The following GALNT14 variants were observed in gnomAD, a reference collection of about 807,000 sequenced individuals.
The protein encoded by GALNT14 is polypeptide N-acetylgalactosaminyltransferase 14.
Under a neutral mutation model 77.5 loss-of-function variants are expected in GALNT14, and 60 were observed. The ratio of observed to expected loss-of-function variants is 0.77; its 90% CI spans 0.63 to 0.96. The LOEUF (loss-of-function observed/expected upper bound fraction) is 0.96. Ranked by LOEUF, GALNT14 falls within the 40% of genes least tolerant of loss-of-function variation. The pLI, the probability that GALNT14 is intolerant of heterozygous loss-of-function variation, is 0.00. For synonymous variants in GALNT14, 280 were observed against 281.7 expected, an observed-to-expected ratio of 0.99 and a Z score of 0.06; for missense variants, 710 against 731.0, an observed-to-expected ratio of 0.97 and a Z score of 0.33.
intron 9 of GALNT14, among the ~76,000 whole-genome samples, chr2:30,933,666 G>C (rs6757404): frequency 0.23 from 35,268 of 152,090 alleles, 4,564 homozygotes; most frequent in African/African-American, 0.34. Context: ...AGGAGGAAGA[G>C]AGCACTTCTC....
intron 2 of GALNT14, among the ~76,000 whole-genome samples, chr2:30,977,672 C>G (rs1668721291): frequency 6.6e-6 from 1 of 152,102 alleles, no homozygotes; most frequent in South Asian, 2.1e-4. Context: ...GACTCAGCAC[C>G]CTGAGCTCAG....
chr2:31,017,058 T>C (rs767713267), intron 1 of GALNT14, among the ~76,000 whole-genome samples: 2 of 152,240 alleles, frequency 1.3e-5, no homozygotes, highest in Non-Finnish European at 2.9e-5. Context: ...GTCTCAAAGC[T>C]AGCTATGGCA....
chr2:31,042,808 T>C (rs954165280), intron 1 of GALNT14, among the ~76,000 whole-genome samples: 102 of 152,312 alleles, frequency 6.7e-4, no homozygotes, highest in African/African-American at 2.4e-3. Flanking sequence ...GCTTATTTAA[T>C]AGCCTCCTAA....
intron 1 of GALNT14, among the ~76,000 whole-genome samples, chr2:31,127,192 C>T (rs1340678040): frequency 6.6e-6 from 1 of 152,200 alleles, no homozygotes; most frequent in African/African-American, 2.4e-5. Context: ...CCCATCCAGT[C>T]AGTTACCCCA....
chr2:31,138,139 G>C lies in GALNT14; in HGVS notation c.-53C>G. 1 of 1,611,944 alleles carries C rather than the reference G, an allele frequency of 6.2e-7. No homozygotes were observed. Among genetic ancestry groups the C allele is most frequent in the Non-Finnish European group, 8.5e-7 (1 of 1,178,960 alleles). On this transcript the variant is annotated 5_prime_UTR_variant, in exon 1 of 15. Coordinates refer to ENST00000349752, the MANE Select transcript of GALNT14 (RefSeq NM_024572.4). Reference sequence around the variant, plus strand: ...GCGCTACGTCCCGGGGGCACCCCCCGGCGGTCAGGGTTGGCGGGGCAGGAG... The same window carrying C: ...GCGCTACGTCCCGGGGGCACCCCCCCGCGGTCAGGGTTGGCGGGGCAGGAG...
intron 3 of GALNT14, among the ~76,000 whole-genome samples, chr2:30,965,864 C>T (rs1034264346): frequency 1.3e-5 from 2 of 152,100 alleles, no homozygotes; most frequent in Admixed American, 6.5e-5. Flanking sequence ...GGGCCTCAGC[C>T]CCTTCCTCAT....
At chr2:31,011,645 G>A (rs1354707503) in intron 1 of GALNT14, among the ~76,000 whole-genome samples, 1 of 152,140 alleles carries the variant, frequency 6.6e-6, no homozygotes, top group African/African-American at 2.4e-5. Context: ...CTCTCTGAAA[G>A]ATGAGCTCAC....
intron 6 of GALNT14, among the ~76,000 whole-genome samples, chr2:30,950,386 C>A (rs1169536443): frequency 6.6e-6 from 1 of 152,150 alleles, no homozygotes; most frequent in African/African-American, 2.4e-5. Context: ...CAGCTGAGGA[C>A]AGCGGATGAC....
intron 10 of GALNT14, among the ~76,000 whole-genome samples, chr2:30,931,009 T>G (rs907176480): frequency 3.3e-5 from 5 of 152,246 alleles, no homozygotes; most frequent in African/African-American, 4.8e-5. Context: ...ACATGGCTCC[T>G]GCAGAGCCAC....
the GALNT14 span, among the ~76,000 whole-genome samples, chr2:30,897,058 C>T: frequency 6.6e-6 from 1 of 152,176 alleles, no homozygotes; most frequent in African/African-American, 2.4e-5. Flanking sequence ...CTACTTTACT[C>T]GATTAAGTGC....
chr2:30,976,606 C>CGTGTGTGT (rs550215452), intron 2 of GALNT14, among the ~76,000 whole-genome samples: 2,316 of 144,210 alleles, frequency 0.016, 21 homozygotes, highest in East Asian at 0.037. Context: ...TGTGCATGTG[C>CGTGTGTGT]GTGTGCGTGT....
intron 1 of GALNT14, among the ~76,000 whole-genome samples, chr2:31,101,330 A>G (rs535870750): frequency 2.0e-5 from 3 of 152,234 alleles, no homozygotes; most frequent in South Asian, 4.1e-4. Flanking sequence ...ATTGATATTC[A>G]TAAGTGGGAT....
At chr2:31,059,492 G>C (rs1187404976) in intron 1 of GALNT14, among the ~76,000 whole-genome samples, 1 of 152,126 alleles carries the variant, frequency 6.6e-6, no homozygotes, top group East Asian at 1.9e-4. Flanking sequence ...CGAGGAGGTG[G>C]GGCCTTAGGT....
intron 1 of GALNT14, among the ~76,000 whole-genome samples, chr2:31,007,358 A>G (rs939493166): frequency 5.3e-5 from 8 of 152,166 alleles, no homozygotes; most frequent in African/African-American, 1.7e-4. Context: ...GGGATTTATG[A>G]TGCACTTGCT....
At chr2:31,006,408 G>A (rs545458141) in intron 1 of GALNT14, among the ~76,000 whole-genome samples, 5 of 152,114 alleles carry the variant, frequency 3.3e-5, no homozygotes, top group South Asian at 2.1e-4. Context: ...AATGTCCCTC[G>A]TTCTATACTC....
chr2:31,009,843 T>G (rs1398514168), intron 1 of GALNT14, among the ~76,000 whole-genome samples: 1 of 152,172 alleles, frequency 6.6e-6, no homozygotes, highest in Non-Finnish European at 1.5e-5. Context: ...CCCATCCCCA[T>G]GTCCTGTTGG....
intron 1 of GALNT14, among the ~76,000 whole-genome samples, chr2:31,093,503 A>G (rs532797600): frequency 2.6e-5 from 4 of 152,304 alleles, no homozygotes; most frequent in African/African-American, 9.6e-5. Context: ...CATCTAGAGG[A>G]GAGGCCATGT....
chr2:31,132,387 T>A (rs558227402), intron 1 of GALNT14, among the ~76,000 whole-genome samples: 2 of 152,320 alleles, frequency 1.3e-5, no homozygotes, highest in African/African-American at 4.8e-5. Flanking sequence ...CATTTGCATA[T>A]TTCTCAGTCA....
chr2:31,028,750 GAGC>G (rs983587746), intron 1 of GALNT14, among the ~76,000 whole-genome samples: 1 of 152,306 alleles, frequency 6.6e-6, no homozygotes, highest in Admixed American at 6.5e-5. Context: ...TTGTCACTGG[GAGC>G]AGAAGACACT....
Sources: allele counts gnomAD v4.1 joint callset (sites outside exome capture counted in the v4.1 genomes callset), GRCh38; gene constraint gnomAD v4.1.1; transcripts MANE v1.5; gene names NCBI Gene and HGNC (gene_info 2026-07-23, HGNC 2026-07-21).